The following PSMG1 variants were observed in gnomAD, a reference collection of about 807,000 sequenced individuals.
PSMG1 encodes the protein Down syndrome critical region gene 2.
Under a neutral mutation model 37.2 loss-of-function variants are expected in PSMG1, and 23 were observed. The observed-to-expected ratio is 0.62, with a 90% confidence interval of 0.44 to 0.88. The LOEUF is 0.88. Among genes scored for constraint, PSMG1 ranks in the 40% least tolerant of loss-of-function variants. PSMG1 has a pLI of 0.00. For synonymous variants in PSMG1, 127 were observed against 128.0 expected (o/e 0.99, Z 0.05); for missense variants, 340 against 344.2 (o/e 0.99, Z 0.10).
Position 39,181,783 on chromosome 21 carries a change from T to C in PSMG1, c.230A>G (p.Asn77Ser). ...GCATTTTCACTTACCTACTGCATTA[T>C]TTCCTATAGCAATTATAAACTTGGA... is the stretch of plus-strand genomic sequence containing the variant. ...PCSKFIIAIGNNAVAFLSSFV... is the reference protein window; with the variant it reads ...PCSKFIIAIGSNAVAFLSSFV... Residue 77 changes from asparagine (N) to serine (S), a missense_variant, in exon 2 of 7, where the codon AAT becomes AGT. Physicochemically the swap from Asn to Ser is conservative, Grantham distance 46 (BLOSUM62 1). Transcript: ENST00000331573. 5.7e-6 allele frequency: 9 copies of C among 1,570,912 alleles called. No individual in the cohort carries two copies. Among genetic ancestry groups the C allele is most frequent in the South Asian group, 1.2e-5 (1 of 83,380 alleles).
chr21:39,175,567 A>C lies in PSMG1; in HGVS notation c.*23T>G. 6 of 1,581,812 alleles carry C rather than the reference A, an allele frequency of 3.8e-6. No homozygotes were observed. The highest frequency in any genetic ancestry group is 5.2e-6 in the Non-Finnish European group (6 of 1,152,220). ...CCTTAAAGGAATGGACAAGTAATAT[A>C]CACTACAAAACAATGTTTAAGATCA... On this transcript the variant is annotated 3_prime_UTR_variant, in exon 7 of 7. Transcript: ENST00000331573.
At position 39,181,756 on chromosome 21, in the gene PSMG1, C is replaced by T. The variant is rs2030834005; in HGVS notation, c.241+16G>A. 1 of 1,465,448 alleles carries T rather than the reference C, an allele frequency of 6.8e-7. No homozygotes were observed. Among genetic ancestry groups the T allele is most frequent in the African/African-American group, 1.4e-5 (1 of 69,284 alleles). 90.8% of individuals were successfully genotyped at this position (1,465,448 alleles called of 1,614,324 possible). On this transcript the variant is annotated intron_variant, in intron 2 of 6. Coordinates refer to ENST00000331573, the MANE Select transcript of PSMG1 (RefSeq NM_003720.4). ...TCTTTCAACAAAATGACTAAGTCTT[C>T]TGCATTTTCACTTACCTACTGCATT...
chr21:39,178,617 G>C lies in PSMG1; in HGVS notation c.487C>G (p.Gln163Glu). ...VFGSCPRKNMQITILTCRHVT... is the reference protein window; with the variant it reads ...VFGSCPRKNMEITILTCRHVT... The stretch of plus-strand genomic sequence containing the variant: ...TGTCGACATGTGAGAATAGTTATCT[G>C]CATGTTCTTCCTTGGACAAGAGCCA... The change falls in exon 5 of 7, where the codon CAG (glutamine) becomes GAG (glutamate). Residue 163 changes from glutamine to glutamate, a missense_variant. Gln to Glu is a conservative substitution (Grantham distance 29, BLOSUM62 2). Transcript: ENST00000331573. The C allele has an allele frequency of 6.2e-7, 1 of 1,614,008 alleles. No individual in the cohort carries two copies. Among genetic ancestry groups the C allele is most frequent in the Non-Finnish European group, 8.5e-7 (1 of 1,179,968 alleles).
At chr21:39,175,921 C>T (rs1248570079) in intron 6 of PSMG1, among the ~76,000 whole-genome samples, 2 of 152,134 alleles carry the variant, frequency 1.3e-5, no homozygotes, top group African/African-American at 2.4e-5. Flanking sequence ...TGCTCTAACC[C>T]GCCCGACCTT....
At chr21:39,180,504 T>A (rs1366510599) in intron 2 of PSMG1, 68 bp from the exon 3 acceptor site, 1 of 1,435,670 alleles carries the variant, frequency 7.0e-7, no homozygotes, top group African/African-American at 1.4e-5. Context: ...CAATAAAAAG[T>A]AAGCTCAAGT....
Position 39,180,263 on chromosome 21 carries a change from C to G in PSMG1, c.393+22G>C, listed in dbSNP as rs1171209744. The G allele has an allele frequency of 3.8e-6, 6 of 1,571,622 alleles. No individual in the cohort carries two copies. The South Asian group carries it at 7.1e-5, about 19-fold the overall frequency. On this transcript the variant is annotated intron_variant, in intron 3 of 6. Coordinates refer to ENST00000331573, the MANE Select transcript of PSMG1 (RefSeq NM_003720.4). ...AAGTGATACTTAAATAACTGCTTTT[C>G]AAACATACAAGTCCCACCTACCGAG...
chr21:39,183,102 A>T, intron 1 of PSMG1, 150 bp downstream of exon 1: 1 of 986,236 alleles, frequency 1.0e-6, no homozygotes, highest in East Asian at 3.3e-5. Context: ...CTTCACGGAG[A>T]CCCAGGGCCC....
At chr21:39,179,522 G>C (rs2030745298) in intron 4 of PSMG1, among the ~76,000 whole-genome samples, 1 of 152,118 alleles carries the variant, frequency 6.6e-6, no homozygotes, top group East Asian at 1.9e-4. Flanking sequence ...GGTTCTAAAT[G>C]TCCTCTTCTA....
At position 39,175,521 on chromosome 21, in the gene PSMG1, CAA is replaced by C; in HGVS notation, c.*67_*68del. On this transcript the variant is annotated 3_prime_UTR_variant, in exon 7 of 7. Transcript: ENST00000331573. Reference sequence around the variant, plus strand: ...AAATATATCCCCCAAAAGTAATCTACAAAAGAGTGCAGGCTGCTCCCCTTAAA... The same window carrying C: ...AAATATATCCCCCAAAAGTAATCTACAAGAGTGCAGGCTGCTCCCCTTAAA... 6.8e-7 allele frequency: 1 copy of C among 1,481,194 alleles called. No homozygotes were observed. Among genetic ancestry groups the C allele is most frequent in the Middle Eastern group, 1.8e-4 (1 of 5,602 alleles). 91.8% of individuals were successfully genotyped at this position (1,481,194 alleles called of 1,614,324 possible). A position where few individuals can be genotyped will look rare whatever the true frequency, so the allele number is the denominator to read the frequency against.
At position 39,179,911 on chromosome 21, in the gene PSMG1, ATT is replaced by A. The variant is rs752746526; in HGVS notation, c.456+11_456+12del. 6.2e-7 allele frequency: 1 copy of A among 1,611,676 alleles called. No homozygotes were observed. Among genetic ancestry groups the A allele is most frequent in the Non-Finnish European group, 8.5e-7 (1 of 1,179,460 alleles). ...GTAGACTAACCATTCACAGGTTTTC[ATT>A]TCTCTCTTACCTTTTCCAGCCACTG... is the stretch of plus-strand genomic sequence containing the variant. On this transcript the variant is annotated intron_variant, in intron 4 of 6. Transcript: ENST00000331573.
chr21:39,176,363 T>C (rs1017538681), intron 6 of PSMG1, among the ~76,000 whole-genome samples: 1 of 152,210 alleles, frequency 6.6e-6, no homozygotes, highest in Non-Finnish European at 1.5e-5. Context: ...ACCTGTGTGC[T>C]ACACACAGTC....
chr21:39,178,419 G>A, intron 5 of PSMG1, 30 bp downstream of exon 5: 1 of 1,567,290 alleles, frequency 6.4e-7, no homozygotes, highest in Non-Finnish European at 8.8e-7. Flanking sequence ...CAATAAGATA[G>A]AATGTAAATG....
chr21:39,178,796 C>A, intron 4 of PSMG1, 149 bp from the exon 5 acceptor site: 1 of 729,510 alleles, frequency 1.4e-6, no homozygotes, highest in Admixed American at 2.9e-5. Flanking sequence ...AACACACCTG[C>A]TGTCACAACC....
At chr21:39,182,877 A>G (rs761468445) in intron 1 of PSMG1, among the ~76,000 whole-genome samples, 27 of 152,152 alleles carry the variant, frequency 1.8e-4, no homozygotes, top group Non-Finnish European at 3.4e-4. Context: ...GGCCCGCGGG[A>G]GCGCTGCGGC....
chr21:39,177,448 T>G lies in PSMG1; in HGVS notation c.779A>C (p.Lys260Thr). 6.3e-7 allele frequency: 1 copy of G among 1,595,310 alleles called. No individual in the cohort carries two copies. The highest frequency in any genetic ancestry group is 8.5e-7 in the Non-Finnish European group (1 of 1,173,902). The change falls in exon 6 of 7, where the codon AAG becomes ACG. Residue 260 changes from lysine to threonine, a missense_variant. Transcript: ENST00000331573. ...FKPILSTRSLKGLVKNIPQST... is the reference protein window; with the variant it reads ...FKPILSTRSLTGLVKNIPQST... Reference sequence around the variant, plus strand: ...TTAAAACCTTACCTTAACCAAACCCTTCAAGCTTCTGGTAGAAAGTATAGG... The same window carrying G: ...TTAAAACCTTACCTTAACCAAACCCGTCAAGCTTCTGGTAGAAAGTATAGG...
chr21:39,175,848 C>A (rs947187695), intron 6 of PSMG1, among the ~76,000 whole-genome samples, 184 bp from the exon 7 acceptor site: 9 of 152,168 alleles, frequency 5.9e-5, no homozygotes, highest in African/African-American at 1.9e-4. Context: ...AGGCCCTTTC[C>A]CTGCCACACT....
chr21:39,177,354 A>G, intron 6 of PSMG1, 81 bp downstream of exon 6: 1 of 1,313,870 alleles, frequency 7.6e-7, no homozygotes. Context: ...CTTAGGGTTT[A>G]AAATGACAGT....
At chr21:39,176,162 T>C (rs748527064) in intron 6 of PSMG1, among the ~76,000 whole-genome samples, 3 of 152,220 alleles carry the variant, frequency 2.0e-5, no homozygotes, top group Non-Finnish European at 2.9e-5. Context: ...GCTGATGTAA[T>C]TGGTCATTAA....
At position 39,183,265 on chromosome 21, in the gene PSMG1, G is replaced by C; in HGVS notation, c.121C>G (p.Leu41Val). The change falls in exon 1 of 7, where the codon CTG becomes GTG. Residue 41 changes from leucine (L) to valine (V), a missense_variant. Transcript: ENST00000331573. Reference protein sequence around the residue: ...TPEDREVRLQLARKREVRLLR... With the variant: ...TPEDREVRLQVARKREVRLLR... ...CCGGTGCCTCACCTCTTCCGCGCCA[G>C]CTGCAGACGCACCTCCCTGTCCTCG... 1 of 1,584,902 alleles carries C rather than the reference G, an allele frequency of 6.3e-7. No homozygotes were observed. The highest frequency in any genetic ancestry group is 8.6e-7 in the Non-Finnish European group (1 of 1,169,392).
Sources: allele counts gnomAD v4.1 joint callset (sites outside exome capture counted in the v4.1 genomes callset), GRCh38; gene constraint gnomAD v4.1.1; transcripts MANE v1.5; gene names NCBI Gene and HGNC (gene_info 2026-07-23, HGNC 2026-07-21).